Variants in ZNF419 observed in about 807,000 individuals in gnomAD.
ZNF419 encodes the protein zinc finger protein 419A.
Under a neutral mutation model 14.9 loss-of-function variants are expected in ZNF419, and 8 were observed. The ratio of observed to expected loss-of-function variants is 0.54; its 90% CI spans 0.32 to 0.97. The LOEUF (loss-of-function observed/expected upper bound fraction) is 0.97, where lower values mean the gene tolerates loss of function less well. ZNF419 is among the 50% of genes least tolerant of loss of function. The pLI is 0.04. For synonymous variants in ZNF419, 211 were observed against 205.3 expected (o/e 1.03, Z -0.24); for missense variants, 595 against 607.2 (o/e 0.98, Z 0.21).
At chr19:57,488,190 G>T in intron 1 of ZNF419, 1 of 721,342 alleles carries the variant, frequency 1.4e-6, no homozygotes, top group Non-Finnish European at 2.2e-6. Context: ...GAGGCCTCCT[G>T]GTGTCTGTAG....
In ZNF419 at chr19:57,493,561, G is replaced by T. The variant is rs374677453; in HGVS notation, c.1004G>T (p.Arg335Ile). Residue 335 changes from arginine (R) to isoleucine (I), a missense_variant, in exon 5 of 5, where the codon AGA becomes ATA. By Grantham distance (97) the Arg-to-Ile change is moderately conservative. Coordinates refer to ENST00000221735, the MANE Select transcript of ZNF419 (RefSeq NM_024691.4). ...SFNSSLMKHQRIHTGERPYKC... is the reference protein window; with the variant it reads ...SFNSSLMKHQIIHTGERPYKC... ...AACTCCAGCCTCATGAAACATCAGA[G>T]AATTCACACTGGAGAAAGACCTTAT... 7 of 1,608,146 alleles carry T rather than the reference G, an allele frequency of 4.4e-6. No individual in the cohort carries two copies. Among genetic ancestry groups the T allele is most frequent in the Admixed American group, 3.3e-5 (2 of 59,906 alleles).
At chr19:57,488,006 C>T (rs921870263) in intron 1 of ZNF419, 23 bp downstream of exon 1, 12 of 1,613,434 alleles carry the variant, frequency 7.4e-6, no homozygotes, top group Non-Finnish European at 1.0e-5. Flanking sequence ...TCCTCCTGGC[C>T]TCCCCCGAAT....
intron 1 of ZNF419, 122 bp from the exon 2 acceptor site, chr19:57,490,025 A>T (rs2089447120): frequency 1.2e-6 from 1 of 858,758 alleles, no homozygotes; most frequent in Non-Finnish European, 1.9e-6. Context: ...AAGAGGCATC[A>T]CTAAGAACCA....
At chr19:57,488,054 G>A (rs1048627113) in intron 1 of ZNF419, 71 bp downstream of exon 1, 44 of 1,599,892 alleles carry the variant, frequency 2.8e-5, no homozygotes, top group Non-Finnish European at 3.8e-5. Context: ...CAGGTCCCCG[G>A]GTGCAGAACT....
chr19:57,488,862 C>G (rs148806755), intron 1 of ZNF419: 310 of 152,418 alleles, frequency 2.0e-3, no homozygotes, highest in Middle Eastern at 3.4e-3. Flanking sequence ...GGAGAGATGG[C>G]CCTGTAGGAC....
rs924650510 is a variant in ZNF419 at position 57,496,006 on chromosome 19, G to C, written c.*1916G>C. On this transcript the variant is annotated 3_prime_UTR_variant, in exon 5 of 5. Transcript: ENST00000221735. The stretch of plus-strand genomic sequence containing the variant: ...AAAGGAACCAGAACTCCTTAGAGAA[G>C]AGGCTGTTTTCAAGTTGTGGCAGAA... The C allele has an allele frequency of 6.6e-6, 1 of 152,144 alleles. No homozygotes were observed. Among genetic ancestry groups the C allele is most frequent in the Non-Finnish European group, 1.5e-5 (1 of 68,016 alleles). 9.4% of individuals were successfully genotyped at this position (152,144 alleles called of 1,614,324 possible).
intron 2 of ZNF419, 171 bp from the exon 3 acceptor site, chr19:57,491,300 G>C (rs1194587986): frequency 1.5e-5 from 14 of 960,986 alleles, no homozygotes; most frequent in East Asian, 9.7e-5. Context: ...CCTGCCTATT[G>C]TTGCTCAGTG....
rs532907966 is a variant in ZNF419 at position 57,495,725 on chromosome 19, C to CAAAAA, written c.*1675_*1679dup. The CAAAAA allele has an allele frequency of 1.0e-4, 5 of 49,190 alleles. No individual in the cohort carries two copies. The highest frequency in any genetic ancestry group is 7.3e-4 in the East Asian group (1 of 1,376). The allele number at this position is 49,190 out of a possible 1,614,324, so 3.0% of individuals were successfully genotyped here. A position where few individuals can be genotyped will look rare whatever the true frequency, so the allele number is the denominator to read the frequency against. ...TGGGGCACAAAGCCAGACTCTGTCT[C>CAAAAA]AAAAAAAAAAAAAAAAAAAAAAAAA... On this transcript the variant is annotated 3_prime_UTR_variant, in exon 5 of 5. Transcript: ENST00000221735.
rs144837124 is a variant in ZNF419 at position 57,493,344 on chromosome 19, A to G, written c.787A>G (p.Asn263Asp). 2.9e-5 allele frequency: 47 copies of G among 1,613,706 alleles called. No homozygotes were observed. The East Asian group carries it at 5.6e-4, about 19-fold the overall frequency. ...HTGERPYGCS[N>D]CGKSFSRNAH... is the part of the protein sequence containing the mutation. ...TGGAGAAAGGCCTTACGGGTGTAGT[A>G]ACTGTGGAAAATCCTTTAGCCGTAA... The change falls in exon 5 of 5, where the codon AAC (asparagine) becomes GAC (aspartate). Residue 263 changes from asparagine to aspartate, a missense_variant. Asn to Asp is a conservative substitution (Grantham distance 23, BLOSUM62 1). Transcript: ENST00000221735.
chr19:57,492,973 G>A lies in ZNF419; in HGVS notation c.416G>A (p.Arg139Lys). Reference protein sequence around the residue: ...KQHCGEKPLKRQEGRVPVLRS... With the variant: ...KQHCGEKPLKKQEGRVPVLRS... ...CACTGTGGAGAGAAACCCTTAAAAAGACAAGAGGGCAGGGTCCCAGTTTTG... is the reference window on the plus strand; with the variant it reads ...CACTGTGGAGAGAAACCCTTAAAAAAACAAGAGGGCAGGGTCCCAGTTTTG... Residue 139 changes from arginine (R) to lysine (K), a missense_variant, in exon 5 of 5, where the codon AGA becomes AAA. By Grantham distance (26) the Arg-to-Lys change is conservative. Coordinates refer to ENST00000221735, the MANE Select transcript of ZNF419 (RefSeq NM_024691.4). 6.2e-7 allele frequency: 1 copy of A among 1,614,206 alleles called. No homozygotes were observed. The highest frequency in any genetic ancestry group is 8.5e-7 in the Non-Finnish European group (1 of 1,180,038).
rs2123225795 is a variant in ZNF419 at position 57,495,954 on chromosome 19, G to GTTA, written c.*1867_*1869dup. ...TAGTTTTGAGCACATTTAATACCCA[G>GTTA]TTATTGGTTTATATCATTTTTTAAT... On this transcript the variant is annotated 3_prime_UTR_variant, in exon 5 of 5. Transcript: ENST00000221735. The GTTA allele has an allele frequency of 6.6e-6, 1 of 152,140 alleles. No individual in the cohort carries two copies. Among genetic ancestry groups the GTTA allele is most frequent in the African/African-American group, 2.4e-5 (1 of 41,508 alleles). The allele number at this position is 152,140 out of a possible 1,614,324, so 9.4% of individuals were successfully genotyped here. A position where few individuals can be genotyped will look rare whatever the true frequency, so the allele number is the denominator to read the frequency against.
Position 57,493,884 on chromosome 19 carries a change from A to G in ZNF419, c.1327A>G (p.Met443Val). The G allele has an allele frequency of 1.2e-6, 2 of 1,612,138 alleles. No homozygotes were observed. Among genetic ancestry groups the G allele is most frequent in the Non-Finnish European group, 1.7e-6 (2 of 1,179,608 alleles). The change falls in exon 5 of 5, where the codon ATG (methionine) becomes GTG (valine). Residue 443 changes from methionine to valine, a missense_variant. Physicochemically the swap from Met to Val is conservative, Grantham distance 21. Transcript: ENST00000221735. ...GKFFSQSSTL[M>V]QHRKVHIGEK... Reference sequence around the variant, plus strand: ...ATTTTTTAGCCAAAGCTCAACCCTCATGCAACATCGAAAAGTTCACATTGG... The same window carrying G: ...ATTTTTTAGCCAAAGCTCAACCCTCGTGCAACATCGAAAAGTTCACATTGG...
chr19:57,493,540 C>T lies in ZNF419; in HGVS notation c.983C>T (p.Ser328Phe). ...SECGKLFSFN[S>F]SLMKHQRIHT... ...TGTGGAAAATTGTTTAGTTTCAACT[C>T]CAGCCTCATGAAACATCAGAGAATT... Residue 328 changes from serine (S) to phenylalanine (F), a missense_variant, in exon 5 of 5, where the codon TCC (serine) becomes TTC (phenylalanine). By Grantham distance (155) the Ser-to-Phe change is radical. Transcript: ENST00000221735. The T allele has an allele frequency of 6.2e-7, 1 of 1,608,304 alleles. No homozygotes were observed. Among genetic ancestry groups the T allele is most frequent in the Non-Finnish European group, 8.5e-7 (1 of 1,175,108 alleles).
intron 4 of ZNF419, 73 bp from the exon 5 acceptor site, chr19:57,492,783 G>A (rs1253369627): frequency 8.2e-6 from 13 of 1,593,070 alleles, no homozygotes; most frequent in Non-Finnish European, 8.6e-6. Context: ...GGGTGTGTTA[G>A]ACACATCTGT....
intron 1 of ZNF419, 111 bp downstream of exon 1, chr19:57,488,094 C>T: frequency 1.3e-6 from 2 of 1,523,446 alleles, no homozygotes. Context: ...CGTCCCGTTT[C>T]TGACACGCAG....
rs757532077 is a variant in ZNF419, at chr19:57,493,633, T to C, written c.1076T>C (p.Ile359Thr). Reference sequence around the variant, plus strand: ...TTCTATAGCCACAAGTCCAACCTTATCAAACATTGGCGTGTTCATACTGGA... The same window carrying C: ...TTCTATAGCCACAAGTCCAACCTTACCAAACATTGGCGTGTTCATACTGGA... ...GKFYSHKSNL[I>T]KHWRVHTGER... The change falls in exon 5 of 5, where the codon ATC (isoleucine) becomes ACC (threonine). Residue 359 changes from isoleucine (I) to threonine (T), a missense_variant. Coordinates refer to ENST00000221735, the MANE Select transcript of ZNF419 (RefSeq NM_024691.4). 8 of 1,614,000 alleles carry C rather than the reference T, an allele frequency of 5.0e-6. No individual in the cohort carries two copies. Among genetic ancestry groups the C allele is most frequent in the South Asian group, 1.1e-5 (1 of 91,084 alleles).
chr19:57,488,530 A>AGT (rs1555788927), intron 1 of ZNF419: 1 of 151,840 alleles, frequency 6.6e-6, no homozygotes, highest in Non-Finnish European at 1.5e-5. Flanking sequence ...GACTGAAAGA[A>AGT]AGGGAATGAA....
At chr19:57,492,611 A>T (rs768516572) in intron 4 of ZNF419, 4 of 753,026 alleles carry the variant, frequency 5.3e-6, no homozygotes, top group Non-Finnish European at 9.7e-6. Context: ...TGTTGGGGAC[A>T]CTGCCTCTCC....
Position 57,493,649 on chromosome 19 carries a change from T to A in ZNF419, c.1092T>A (p.Val364=). 2 of 1,614,122 alleles carry A rather than the reference T, an allele frequency of 1.2e-6. No individual in the cohort carries two copies. The highest frequency in any genetic ancestry group is 1.7e-6 in the Non-Finnish European group (2 of 1,179,956). ...CCAACCTTATCAAACATTGGCGTGTTCATACTGGAGAAAGGCCTTACAAGT... is the reference window on the plus strand; with the variant it reads ...CCAACCTTATCAAACATTGGCGTGTACATACTGGAGAAAGGCCTTACAAGT... The part of the protein sequence containing the change: ...HKSNLIKHWR[V]HTGERPYKCS... Residue 364 remains valine, a synonymous_variant, in exon 5 of 5, where the codon GTT becomes GTA. Transcript: ENST00000221735.
Sources: allele counts gnomAD v4.1 joint callset, GRCh38; gene constraint gnomAD v4.1.1; transcripts MANE v1.5; gene names NCBI Gene and HGNC (gene_info 2026-07-23, HGNC 2026-07-21).